Variants in PCSK6 observed in about 807,000 individuals in gnomAD.
PCSK6 encodes the protein paired basic amino acid cleaving enzyme 4.
In PCSK6, 85 loss-of-function variants were observed where a neutral mutation model predicts 123.3. The ratio of observed to expected loss-of-function variants is 0.69; its 90% confidence interval spans 0.58 to 0.83. The LOEUF (loss-of-function observed/expected upper bound fraction) is 0.83, where lower values mean the gene tolerates loss of function less well. Among genes scored for constraint, PCSK6 ranks in the 40% least tolerant of loss-of-function variants. The pLI is 0.00. For missense variants in PCSK6, 1,191 were observed against 1,282.3 expected (o/e 0.93, Z 1.09); for synonymous variants, 508 against 516.0 (o/e 0.98, Z 0.21).
chr15:101,489,591 G>T lies in PCSK6; in HGVS notation c.80C>A (p.Ala27Glu). The change falls in exon 1 of 22, where the codon GCG (alanine) becomes GAG (glutamate). Residue 27 changes from alanine to glutamate, a missense_variant. Physicochemically the swap from Ala to Glu is moderately radical, Grantham distance 107. Around this residue, in one of 3 missense-constraint regions of PCSK6, gnomAD observed 204 missense variants for 166.4 expected, o/e 1.23. Transcript: ENST00000611716. ...AAAATDTAAGAGGAGGAGGAG... is the reference protein window; with the variant it reads ...AAAATDTAAGEGGAGGAGGAG... The stretch of plus-strand genomic sequence containing the variant: ...GCCCCCCGCGCCCCCCGCGCCCCCC[G>T]CGCCCGCGGCGGTGTCGGTGGCGGC... 1.0e-6 allele frequency: 1 copy of T among 975,548 alleles called. No homozygotes were observed. The highest frequency in any genetic ancestry group is 1.2e-6 in the Non-Finnish European group (1 of 825,408). The allele number at this position is 975,548 out of a possible 1,614,324, so 60.4% of individuals were successfully genotyped here. A position where few individuals can be genotyped will look rare whatever the true frequency, so the allele number is the denominator to read the frequency against.
At chr15:101,443,013 T>A (rs949586510) in intron 2 of PCSK6, among the ~76,000 whole-genome samples, 1 of 152,254 alleles carries the variant, frequency 6.6e-6, no homozygotes. Context: ...AACTGTTGAT[T>A]GATCTTTCTC....
At chr15:101,469,342 T>G (rs904198798) in intron 1 of PCSK6, among the ~76,000 whole-genome samples, 5 of 152,322 alleles carry the variant, frequency 3.3e-5, no homozygotes, top group Admixed American at 6.5e-5. Flanking sequence ...ATTTGTAGTT[T>G]ACAGGCAAAT....
At chr15:101,472,993 T>C (rs1382168858) in intron 1 of PCSK6, among the ~76,000 whole-genome samples, 1 of 152,234 alleles carries the variant, frequency 6.6e-6, no homozygotes, top group East Asian at 1.9e-4. Context: ...GGTCCCTCAA[T>C]GTGAGCCTTG....
chr15:101,453,775 T>C (rs567575088), intron 1 of PCSK6, among the ~76,000 whole-genome samples: 114 of 152,216 alleles, frequency 7.5e-4, no homozygotes, highest in African/African-American at 2.3e-3. Context: ...ATGCGAGAAG[T>C]AGGGGGTGCC....
At chr15:101,435,226 G>A (rs59480567) in intron 2 of PCSK6, among the ~76,000 whole-genome samples, 21,823 of 151,792 alleles carry the variant, frequency 0.14, 1,742 homozygotes, top group African/African-American at 0.2. Context: ...CCCTCCCATC[G>A]AATGGAAGCA....
In PCSK6 at chr15:101,464,388, C is replaced by A. The variant is rs563476713; in HGVS notation, c.298-20728G>T. 2.9e-3 allele frequency among the ~76,000 whole-genome samples: 442 copies of A among 152,124 alleles called. 1 individual carries two copies. Among genetic ancestry groups the A allele is most frequent in the Non-Finnish European group, 5.0e-3 (339 of 67,992 alleles). ...CAAGGTGGTTCCCTCACAATTTGGT[C>A]ATTTAATGTGAACCTTGAACATCGA... On this transcript the variant is annotated intron_variant, in intron 1 of 21. Coordinates refer to ENST00000611716, the MANE Select transcript of PCSK6 (RefSeq NM_002570.5).
intron 13 of PCSK6, among the ~76,000 whole-genome samples, chr15:101,333,988 C>T (rs2040422532): frequency 6.6e-6 from 1 of 152,216 alleles, no homozygotes. Context: ...TTCTGTACTG[C>T]CCAAGCCTCC....
intron 5 of PCSK6, among the ~76,000 whole-genome samples, chr15:101,429,179 T>C (rs1305258229): frequency 1.3e-5 from 2 of 152,190 alleles, no homozygotes; most frequent in Non-Finnish European, 2.9e-5. Flanking sequence ...ATTATTTCCC[T>C]CTAAATATTT....
chr15:101,382,016 C>A (rs2041921362), intron 11 of PCSK6, 76 bp downstream of exon 11: 4 of 972,664 alleles, frequency 4.1e-6, no homozygotes, highest in Non-Finnish European at 4.8e-6. Context: ...AACACCTCCC[C>A]CAGCCACACC....
At chr15:101,436,400 A>G (rs1020629234) in intron 2 of PCSK6, among the ~76,000 whole-genome samples, 15 of 152,212 alleles carry the variant, frequency 9.9e-5, no homozygotes, top group Non-Finnish European at 1.8e-4. Flanking sequence ...GCACAGTTGT[A>G]GCCAACGCAA....
At chr15:101,362,562 A>G (rs1161512356) in intron 13 of PCSK6, among the ~76,000 whole-genome samples, 1 of 151,996 alleles carries the variant, frequency 6.6e-6, no homozygotes, top group Non-Finnish European at 1.5e-5. Context: ...TGAGGTGGAG[A>G]GGGCCCCCAG....
In PCSK6 at chr15:101,313,518, G is replaced by A. The variant is rs1165889824; in HGVS notation, c.2570-13C>T. On this transcript the variant is annotated splice_polypyrimidine_tract_variant and intron_variant, in intron 19 of 21. Transcript: ENST00000611716. ...TCTCTGCCTGGCCCTGAGAGACACAGGAAAAGAAGCAGGTATCAGGGATGG... is the reference window on the plus strand; with the variant it reads ...TCTCTGCCTGGCCCTGAGAGACACAAGAAAAGAAGCAGGTATCAGGGATGG... 4 of 1,587,222 alleles carry A rather than the reference G, an allele frequency of 2.5e-6. No homozygotes were observed. Among genetic ancestry groups the A allele is most frequent in the South Asian group, 1.1e-5 (1 of 89,966 alleles).
chr15:101,462,735 C>T (rs941106760), intron 1 of PCSK6, among the ~76,000 whole-genome samples: 2 of 152,254 alleles, frequency 1.3e-5, no homozygotes, highest in African/African-American at 4.8e-5. Context: ...CCCTACTTCA[C>T]ATCAAACACA....
intron 6 of PCSK6, among the ~76,000 whole-genome samples, chr15:101,402,578 G>A (rs1204442976): frequency 3.9e-5 from 6 of 152,146 alleles, no homozygotes; most frequent in East Asian, 1.9e-4. Flanking sequence ...TTACAAGAAA[G>A]AAACAAACAA....
chr15:101,432,459 CAA>C (rs56385883), intron 2 of PCSK6, among the ~76,000 whole-genome samples: 27 of 117,302 alleles, frequency 2.3e-4, no homozygotes, highest in Admixed American at 3.5e-4. Context: ...CCCACCTCTC[CAA>C]AAAAAAAAAA....
chr15:101,479,306 A>G (rs538741728), intron 1 of PCSK6, among the ~76,000 whole-genome samples: 6 of 152,366 alleles, frequency 3.9e-5, no homozygotes, highest in African/African-American at 1.4e-4. Flanking sequence ...AAGCATATGG[A>G]AAGTGTCCTG....
At chr15:101,324,187 G>A (rs1388481230) in intron 17 of PCSK6, among the ~76,000 whole-genome samples, 1 of 152,208 alleles carries the variant, frequency 6.6e-6, no homozygotes, top group Non-Finnish European at 1.5e-5. Flanking sequence ...AACACTGCCT[G>A]TCTAGTGTTC....
intron 17 of PCSK6, among the ~76,000 whole-genome samples, chr15:101,323,809 G>A (rs2040188438): frequency 6.6e-6 from 1 of 152,052 alleles, no homozygotes; most frequent in Non-Finnish European, 1.5e-5. Flanking sequence ...CTTGTCCACA[G>A]GGGTAACGGC....
In PCSK6 at chr15:101,472,363, G is replaced by A. The variant is rs555785201; in HGVS notation, c.297+17011C>T. Reference sequence around the variant, plus strand: ...TTGGGCAGCATGGCTGCTCCCTTCCGGCTCTGTCCAGTGTTTCTAACGATG... The same window carrying A: ...TTGGGCAGCATGGCTGCTCCCTTCCAGCTCTGTCCAGTGTTTCTAACGATG... On this transcript the variant is annotated intron_variant, in intron 1 of 21. Coordinates refer to ENST00000611716, the MANE Select transcript of PCSK6 (RefSeq NM_002570.5). Among the ~76,000 whole-genome samples, 7 of 152,362 alleles carry A rather than the reference G, an allele frequency of 4.6e-5. 1 individual carries two copies. In the East Asian group the frequency reaches 5.8e-4, roughly 13 times the overall value.
Sources: allele counts gnomAD v4.1 joint callset (sites outside exome capture counted in the v4.1 genomes callset), GRCh38; gene constraint gnomAD v4.1.1; regional missense constraint gnomAD v4.1.1; transcripts MANE v1.5; gene names NCBI Gene and HGNC (gene_info 2026-07-23, HGNC 2026-07-21).